R3HDM2: variants seen among roughly 807,000 people sequenced by gnomAD.
R3HDM2 encodes R3H domain containing 2, also known as R3H domain-containing protein 2.
Under a neutral mutation model 124.5 loss-of-function variants are expected in R3HDM2, and 38 were observed. The observed-to-expected ratio is 0.31, with a 90% confidence interval of 0.24 to 0.40. The LOEUF is 0.40. R3HDM2 is among the 10% of genes least tolerant of loss of function. The probability of loss-of-function intolerance (pLI) is 1.00; values close to 1 mark genes in which losing one functional copy is unlikely to be tolerated. For synonymous variants in R3HDM2, 391 were observed against 448.0 expected (o/e 0.87, Z 1.61); for missense variants, 869 against 1,236.9 (o/e 0.70, Z 4.46).
At chr12:57,276,014 G>A (rs1051898983) in intron 14 of R3HDM2, among the ~76,000 whole-genome samples, 2 of 151,998 alleles carry the variant, frequency 1.3e-5, no homozygotes, top group Non-Finnish European at 2.9e-5. Flanking sequence ...TCAGAAGATC[G>A]AGACCATCCT....
chr12:57,303,703 G>A (rs1158776470), intron 3 of R3HDM2, among the ~76,000 whole-genome samples: 1 of 152,070 alleles, frequency 6.6e-6, no homozygotes, highest in African/African-American at 2.4e-5. Flanking sequence ...GATGGCTTGA[G>A]CCTGGGAAGA....
chr12:57,310,169 C>T, intron 3 of R3HDM2, 95 bp downstream of exon 3: 1 of 861,758 alleles, frequency 1.2e-6, no homozygotes, highest in Non-Finnish European at 1.7e-6. Flanking sequence ...CTAATTGTGC[C>T]ACTGCACTCC....
At chr12:57,303,065 G>T in intron 4 of R3HDM2, 111 bp downstream of exon 4, 2 of 1,022,934 alleles carry the variant, frequency 2.0e-6, no homozygotes, top group Non-Finnish European at 3.0e-6. Context: ...CAGAGTACAG[G>T]CAAGAAAACT....
intron 1 of R3HDM2, among the ~76,000 whole-genome samples, chr12:57,429,648 G>C (rs1869156514): frequency 6.6e-6 from 1 of 151,932 alleles, no homozygotes; most frequent in South Asian, 2.1e-4. Flanking sequence ...AGGAGGCAGA[G>C]GTTGCATTGA....
At chr12:57,360,045 ATATTTT>A (rs1426357545) in intron 2 of R3HDM2, among the ~76,000 whole-genome samples, 7 of 77,044 alleles carry the variant, frequency 9.1e-5, no homozygotes, top group South Asian at 3.4e-4. Context: ...ATATATATAT[ATATTTT>A]TTTTTTTTTT....
intron 13 of R3HDM2, among the ~76,000 whole-genome samples, chr12:57,281,364 T>C (rs553911715): frequency 1.3e-4 from 20 of 152,182 alleles, no homozygotes; most frequent in African/African-American, 4.6e-4. Flanking sequence ...ATTTCCCCAT[T>C]TCTAGGCTCT....
intron 21 of R3HDM2, among the ~76,000 whole-genome samples, chr12:57,256,934 GC>G (rs2039221274): frequency 6.6e-6 from 1 of 151,626 alleles, no homozygotes; most frequent in Non-Finnish European, 1.5e-5. Flanking sequence ...TCCTGCTTCA[GC>G]CTCCCGAGTA....
intron 12 of R3HDM2, among the ~76,000 whole-genome samples, chr12:57,286,472 G>A (rs149060016): frequency 6.6e-5 from 10 of 152,314 alleles, no homozygotes; most frequent in East Asian, 3.9e-4. Flanking sequence ...AATCATTAGC[G>A]TTTTGGACTA....
chr12:57,344,862 T>G (rs1298730857), intron 2 of R3HDM2, among the ~76,000 whole-genome samples: 1 of 152,080 alleles, frequency 6.6e-6, no homozygotes, highest in Non-Finnish European at 1.5e-5. Flanking sequence ...GTTTTGCTCT[T>G]GTTGCCCAGG....
Position 57,299,346 on chromosome 12 carries a change from C to T in R3HDM2, c.421+6G>A. 1 of 1,548,310 alleles carries T rather than the reference C, an allele frequency of 6.5e-7. No individual in the cohort carries two copies. Among genetic ancestry groups the T allele is most frequent in the Middle Eastern group, 1.7e-4 (1 of 5,998 alleles). On this transcript the variant is annotated splice_donor_region_variant and intron_variant, in intron 6 of 23. Transcript: ENST00000402412. ...GAACAGATGAGAGATGGGAAAAACT[C>T]CTTACCTCTGGACAGCATCTTCCTT...
chr12:57,298,207 AC>A (rs34608793), intron 6 of R3HDM2, 39 bp from the exon 7 acceptor site: 722,310 of 1,451,382 alleles, frequency 0.5, 182,992 homozygotes, highest in Middle Eastern at 0.74. Flanking sequence ...AATACATGAA[AC>A]TGCTTTGCAT....
At chr12:57,316,713 G>A (rs1347843260) in intron 2 of R3HDM2, among the ~76,000 whole-genome samples, 10 of 149,084 alleles carry the variant, frequency 6.7e-5, no homozygotes, top group African/African-American at 2.0e-4. Flanking sequence ...AGCCTCCCTA[G>A]TAGCTGGGAT....
In R3HDM2 at chr12:57,299,340, A is replaced by C; in HGVS notation, c.421+12T>G. 6.5e-7 allele frequency: 1 copy of C among 1,547,358 alleles called. No homozygotes were observed. Among genetic ancestry groups the C allele is most frequent in the Non-Finnish European group, 8.8e-7 (1 of 1,142,734 alleles). ...GCCCTAGAACAGATGAGAGATGGGA[A>C]AAACTCCTTACCTCTGGACAGCATC... On this transcript the variant is annotated intron_variant, in intron 6 of 23. Coordinates refer to ENST00000402412, the MANE Select transcript of R3HDM2 (RefSeq NM_001394031.1).
intron 2 of R3HDM2, among the ~76,000 whole-genome samples, chr12:57,321,392 T>C (rs1360239238): frequency 6.6e-6 from 1 of 152,198 alleles, no homozygotes; most frequent in Non-Finnish European, 1.5e-5. Context: ...GGCTCATGCC[T>C]GTAATCCTAG....
intron 1 of R3HDM2, among the ~76,000 whole-genome samples, chr12:57,418,702 G>T (rs2069894625): frequency 6.6e-6 from 1 of 152,018 alleles, no homozygotes; most frequent in Non-Finnish European, 1.5e-5. Flanking sequence ...GGGATTACAG[G>T]CACCCACCAC....
At chr12:57,303,755 C>A (rs1244139195) in intron 3 of R3HDM2, among the ~76,000 whole-genome samples, 3 of 151,950 alleles carry the variant, frequency 2.0e-5, no homozygotes, top group African/African-American at 7.3e-5. Context: ...GCACTCCAGC[C>A]TGGGTGATAA....
chr12:57,345,151 T>TGG (rs201982504), intron 2 of R3HDM2, among the ~76,000 whole-genome samples: 3 of 151,312 alleles, frequency 2.0e-5, no homozygotes, highest in African/African-American at 7.3e-5. Flanking sequence ...ATTTCCTTAT[T>TGG]GGGGGAAAAA....
At chr12:57,317,812 T>C (rs2055457952) in intron 2 of R3HDM2, among the ~76,000 whole-genome samples, 1 of 151,330 alleles carries the variant, frequency 6.6e-6, no homozygotes, top group Non-Finnish European at 1.5e-5. Flanking sequence ...CCGTCTCTAC[T>C]AAAAATACAA....
intron 2 of R3HDM2, among the ~76,000 whole-genome samples, chr12:57,324,429 T>C (rs930460742): frequency 6.6e-6 from 1 of 152,328 alleles, no homozygotes; most frequent in South Asian, 2.1e-4. Context: ...GTGATCCATC[T>C]GCCTCAGCCT....
Sources: allele counts gnomAD v4.1 joint callset (sites outside exome capture counted in the v4.1 genomes callset), GRCh38; gene constraint gnomAD v4.1.1; transcripts MANE v1.5; gene names NCBI Gene and HGNC (gene_info 2026-07-23, HGNC 2026-07-21).